STMN3: variants seen among roughly 807,000 people sequenced by gnomAD.
STMN3 encodes stathmin-3.
A neutral mutation model predicts 23.2 loss-of-function variants in STMN3; 24 were observed. That is an observed-to-expected ratio of 1.03 (90% CI 0.75 to 1.45). The LOEUF (loss-of-function observed/expected upper bound fraction) is 1.45. Among genes scored for constraint, STMN3 ranks in the 40% most tolerant of loss-of-function variants. The pLI is 0.00. For synonymous variants in STMN3, 117 were observed against 103.4 expected (o/e 1.13, Z -0.80); for missense variants, 235 against 237.6 (o/e 0.99, Z 0.07).
intron 1 of STMN3, among the ~76,000 whole-genome samples, chr20:63,647,820 TAA>T (rs1452280899): frequency 3.9e-5 from 5 of 128,054 alleles, no homozygotes; most frequent in African/African-American, 1.4e-4. Context: ...CGTGTATATA[TAA>T]TATATATACG....
intron 1 of STMN3, 122 bp from the exon 2 acceptor site, chr20:63,644,431 C>G (rs1238711634): frequency 2.8e-6 from 2 of 711,980 alleles, no homozygotes; most frequent in Non-Finnish European, 4.8e-6. Flanking sequence ...CCAGCACGCT[C>G]TCTTGTGTGT....
Position 63,639,814 on chromosome 20 carries a change from A to G in STMN3, c.*1524T>C, listed in dbSNP as rs375734249. 6.6e-6 allele frequency: 1 copy of G among 152,364 alleles called. No individual in the cohort carries two copies. The highest frequency in any genetic ancestry group is 2.1e-4 in the South Asian group (1 of 4,838). 9.4% of individuals were successfully genotyped at this position (152,364 alleles called of 1,614,324 possible). A position where few individuals can be genotyped will look rare whatever the true frequency, so the allele number is the denominator to read the frequency against. On this transcript the variant is annotated 3_prime_UTR_variant, in exon 5 of 5. Transcript: ENST00000370053. ...GTGCATATTACAGTAGGCTTTCGCT[A>G]TGAGCGCTGCCACCATGAGGAATAT... is the stretch of plus-strand genomic sequence containing the variant.
At chr20:63,644,695 C>T (rs2089795983) in intron 1 of STMN3, among the ~76,000 whole-genome samples, 1 of 152,164 alleles carries the variant, frequency 6.6e-6, no homozygotes, top group Admixed American at 6.5e-5. Context: ...TGCCGGTGTG[C>T]GGAGGTGAGG....
chr20:63,653,395 G>A lies in STMN3; in HGVS notation c.-50C>T. 6.5e-7 allele frequency: 1 copy of A among 1,530,714 alleles called. No individual in the cohort carries two copies. The highest frequency in any genetic ancestry group is 8.8e-7 in the Non-Finnish European group (1 of 1,139,058). 94.8% of individuals were successfully genotyped at this position (1,530,714 alleles called of 1,614,324 possible). On this transcript the variant is annotated 5_prime_UTR_variant, in exon 1 of 5. Coordinates refer to ENST00000370053, the MANE Select transcript of STMN3 (RefSeq NM_015894.4). Reference sequence around the variant, plus strand: ...GGAGGCTGGAGAGGCGCAAGTGGCGGCCGGAGCTGCAGACGGCTGGTGCTG... The same window carrying A: ...GGAGGCTGGAGAGGCGCAAGTGGCGACCGGAGCTGCAGACGGCTGGTGCTG...
In STMN3 at chr20:63,642,163, C is replaced by G. The variant is rs1292061833; in HGVS notation, c.428G>C (p.Ser143Thr). The change falls in exon 4 of 5, where the codon AGC becomes ACC. Residue 143 changes from serine to threonine, a missense_variant. Transcript: ENST00000370053. ...EEKLNYKMEL[S>T]KEIREAHLAA... ...CAGGTGTGCCTCGCGGATCTCCTTG[C>G]TGAGCTCCATCTTGTAGTTGAGCTT... 1.3e-6 allele frequency: 2 copies of G among 1,556,268 alleles called. No individual in the cohort carries two copies. Among genetic ancestry groups the G allele is most frequent in the Non-Finnish European group, 8.7e-7 (1 of 1,154,224 alleles).
At chr20:63,648,017 G>C (rs1290121140) in intron 1 of STMN3, among the ~76,000 whole-genome samples, 1 of 131,784 alleles carries the variant, frequency 7.6e-6, no homozygotes, top group Non-Finnish European at 1.6e-5. Flanking sequence ...GTAGTGATAG[G>C]TCTTGCTGTC....
rs1171396690 is a variant in STMN3 at position 63,651,008 on chromosome 20, G to A, written c.19+2319C>T. Among the ~76,000 whole-genome samples the A allele has an allele frequency of 4.7e-5, 7 of 150,518 alleles. No homozygotes were observed. The East Asian group carries it at 1.2e-3, about 25-fold the overall frequency. ...AGTTTCTACTCTTGCTGCCCAGGCT[G>A]GAGTGCAATGGCACAATCTCAGCTC... is the stretch of plus-strand genomic sequence containing the variant. On this transcript the variant is annotated intron_variant, in intron 1 of 4. Transcript: ENST00000370053.
intron 1 of STMN3, among the ~76,000 whole-genome samples, chr20:63,644,798 GAC>G (rs554496095): frequency 5.3e-4 from 80 of 152,254 alleles, no homozygotes; most frequent in African/African-American, 1.9e-3. Context: ...ATCATGTGAG[GAC>G]ACAGCCAGAA....
At chr20:63,651,152 GA>G (rs1313969465) in intron 1 of STMN3, among the ~76,000 whole-genome samples, 3 of 151,904 alleles carry the variant, frequency 2.0e-5, no homozygotes, top group African/African-American at 7.3e-5. Flanking sequence ...AGAGAGGGGG[GA>G]TTTCACCATG....
chr20:63,642,868 C>A (rs2089779938), intron 3 of STMN3, among the ~76,000 whole-genome samples: 1 of 152,186 alleles, frequency 6.6e-6, no homozygotes, highest in African/African-American at 2.4e-5. Context: ...ACTAGTCAGC[C>A]CTGTGAACCC....
Position 63,639,799 on chromosome 20 carries a change from C to T in STMN3, c.*1539G>A, listed in dbSNP as rs901952342. On this transcript the variant is annotated 3_prime_UTR_variant, in exon 5 of 5. Coordinates refer to ENST00000370053, the MANE Select transcript of STMN3 (RefSeq NM_015894.4). ...ACGTGGATGAGATGGGTGCATATTA[C>T]AGTAGGCTTTCGCTATGAGCGCTGC... is the stretch of plus-strand genomic sequence containing the variant. 6.6e-6 allele frequency: 1 copy of T among 152,390 alleles called. No individual in the cohort carries two copies. Among genetic ancestry groups the T allele is most frequent in the Non-Finnish European group, 1.5e-5 (1 of 68,054 alleles). The allele number at this position is 152,390 out of a possible 1,614,324, so 9.4% of individuals were successfully genotyped here. A position where few individuals can be genotyped will look rare whatever the true frequency, so the allele number is the denominator to read the frequency against.
At chr20:63,642,407 C>T (rs1400535339) in intron 3 of STMN3, 108 bp from the exon 4 acceptor site, 22 of 666,920 alleles carry the variant, frequency 3.3e-5, no homozygotes, top group Non-Finnish European at 4.3e-5. Context: ...TCACCTGGCG[C>T]CTCCACCTGC....
At chr20:63,643,475 T>C (rs1420422514) in intron 3 of STMN3, among the ~76,000 whole-genome samples, 2 of 152,124 alleles carry the variant, frequency 1.3e-5, no homozygotes, top group Admixed American at 1.3e-4. Flanking sequence ...CAGATGGGGT[T>C]TCACCATGTT....
In STMN3 at chr20:63,641,143, C is replaced by A. The variant is rs2089757850; in HGVS notation, c.*195G>T. 2.3e-5 allele frequency: 15 copies of A among 645,216 alleles called. 1 individual carries two copies. The South Asian group carries it at 2.5e-4, about 11-fold the overall frequency. The allele number at this position is 645,216 out of a possible 1,614,324, so 40.0% of individuals were successfully genotyped here. ...AGGGACCGCGTCTCACGCCCGGCGGCTCCTGCAGGGGAAGCCGTGGTCAGC... is the reference window on the plus strand; with the variant it reads ...AGGGACCGCGTCTCACGCCCGGCGGATCCTGCAGGGGAAGCCGTGGTCAGC... On this transcript the variant is annotated 3_prime_UTR_variant, in exon 5 of 5. Transcript: ENST00000370053.
At position 63,643,798 on chromosome 20, in the gene STMN3, C is replaced by T. The variant is rs2089787390; in HGVS notation, c.249G>A (p.Glu83=). The change falls in exon 3 of 5, where the codon GAG becomes GAA. Residue 83 remains glutamate, a synonymous_variant. Coordinates refer to ENST00000370053, the MANE Select transcript of STMN3 (RefSeq NM_015894.4). ...SPPKKKDTSL[E]ELQKRLEAAE... Reference sequence around the variant, plus strand: ...CTGCCTCCAGCCGCTTTTGCAGCTCCTCCAGGGAGGTGTCCTTCTTCTTGG... The same window carrying T: ...CTGCCTCCAGCCGCTTTTGCAGCTCTTCCAGGGAGGTGTCCTTCTTCTTGG... 1 of 1,560,282 alleles carries T rather than the reference C, an allele frequency of 6.4e-7. No homozygotes were observed. Among genetic ancestry groups the T allele is most frequent in the Non-Finnish European group, 8.6e-7 (1 of 1,162,882 alleles).
At chr20:63,646,599 C>T (rs962879042) in intron 1 of STMN3, among the ~76,000 whole-genome samples, 4 of 151,760 alleles carry the variant, frequency 2.6e-5, no homozygotes, top group Admixed American at 6.6e-5. Context: ...GTGATCCGCC[C>T]GCCTCGACCT....
intron 3 of STMN3, among the ~76,000 whole-genome samples, chr20:63,643,363 C>G (rs961756760): frequency 3.3e-5 from 5 of 152,160 alleles, no homozygotes; most frequent in African/African-American, 1.2e-4. Context: ...CTCACTGCAT[C>G]CTCCACTTCT....
chr20:63,653,196 C>G, intron 1 of STMN3, 131 bp downstream of exon 1: 1 of 1,233,028 alleles, frequency 8.1e-7, no homozygotes, highest in South Asian at 1.5e-5. Context: ...GCGGGTCGGG[C>G]CCAGGCTTGC....
At chr20:63,646,502 C>T (rs1042564011) in intron 1 of STMN3, among the ~76,000 whole-genome samples, 11 of 151,130 alleles carry the variant, frequency 7.3e-5, no homozygotes, top group Non-Finnish European at 1.3e-4. Flanking sequence ...CCACAGGCAC[C>T]GCCACCACAC....
Sources: allele counts gnomAD v4.1 joint callset (sites outside exome capture counted in the v4.1 genomes callset), GRCh38; gene constraint gnomAD v4.1.1; transcripts MANE v1.5; gene names NCBI Gene and HGNC (gene_info 2026-07-23, HGNC 2026-07-21).